DACH1: variants seen among roughly 807,000 people sequenced by gnomAD.
The protein encoded by DACH1 is dachshund family transcription factor 1.
In DACH1, 12 loss-of-function variants were observed where a neutral mutation model predicts 54.2. That is an observed-to-expected ratio of 0.22 (90% CI 0.14 to 0.36). The LOEUF (loss-of-function observed/expected upper bound fraction) is 0.36, where lower values mean the gene tolerates loss of function less well. DACH1 is among the 10% of genes least tolerant of loss of function. DACH1 has a pLI of 1.00. For synonymous variants in DACH1, 386 were observed against 366.2 expected (o/e 1.05, Z -0.62); for missense variants, 805 against 929.8 (o/e 0.87, Z 1.75).
At chr13:71,807,133 T>C (rs1245157221) in intron 1 of DACH1, among the ~76,000 whole-genome samples, 1 of 152,138 alleles carries the variant, frequency 6.6e-6, no homozygotes, top group Non-Finnish European at 1.5e-5. Flanking sequence ...CAGAACAGAA[T>C]GAACAAGTTA....
chr13:71,675,118 A>T, intron 2 of DACH1: 1 of 1,581,282 alleles, frequency 6.3e-7, no homozygotes, highest in Non-Finnish European at 8.7e-7. Flanking sequence ...AGCACCCAGG[A>T]AGTAACTGGC....
Position 71,725,027 on chromosome 13 carries a change from C to T in DACH1, c.849-43117G>A, listed in dbSNP as rs191192167. 2.4e-4 allele frequency among the ~76,000 whole-genome samples: 36 copies of T among 151,792 alleles called. 2 individuals carry two copies. Among genetic ancestry groups the T allele is most frequent in the African/African-American group, 7.5e-4 (31 of 41,424 alleles). On this transcript the variant is annotated intron_variant, in intron 1 of 10. Coordinates refer to ENST00000613252, the MANE Select transcript of DACH1 (RefSeq NM_080759.6). ...ATGTGATATTACAATTGGCAAAAAA[C>T]GGACTTTACATGTGGATTATAGCAT... is the stretch of plus-strand genomic sequence containing the variant.
At chr13:71,816,086 A>G in intron 1 of DACH1, among the ~76,000 whole-genome samples, 1 of 150,194 alleles carries the variant, frequency 6.7e-6, no homozygotes, top group Non-Finnish European at 1.5e-5. Context: ...CTCCGTCTCC[A>G]AAAAAAAATA....
intron 1 of DACH1, among the ~76,000 whole-genome samples, chr13:71,854,969 A>C (rs989368475): frequency 1.3e-5 from 2 of 152,086 alleles, no homozygotes; most frequent in African/African-American, 4.8e-5. Flanking sequence ...ATTGTCACTT[A>C]GCAGCCAACA....
intron 3 of DACH1, among the ~76,000 whole-genome samples, chr13:71,613,906 T>G (rs1278763639): frequency 6.6e-6 from 1 of 152,092 alleles, no homozygotes; most frequent in Non-Finnish European, 1.5e-5. Flanking sequence ...GAGATGGGAT[T>G]TCACCATGTT....
intron 10 of DACH1, among the ~76,000 whole-genome samples, chr13:71,460,266 C>T (rs149482230): frequency 1.2e-3 from 185 of 152,094 alleles, no homozygotes; most frequent in African/African-American, 4.0e-3. Context: ...CTAGAAAATT[C>T]GCCACATCTT....
intron 6 of DACH1, among the ~76,000 whole-genome samples, chr13:71,498,139 T>G (rs915218532): frequency 6.6e-6 from 1 of 152,210 alleles, no homozygotes; most frequent in Non-Finnish European, 1.5e-5. Context: ...TTGCCTAATT[T>G]AATGCATATG....
At chr13:71,654,955 A>G (rs1261670756) in intron 2 of DACH1, among the ~76,000 whole-genome samples, 2 of 152,192 alleles carry the variant, frequency 1.3e-5, no homozygotes, top group African/African-American at 4.8e-5. Flanking sequence ...TGCATGTTGT[A>G]CAGACTTATG....
intron 2 of DACH1, among the ~76,000 whole-genome samples, chr13:71,672,148 T>A (rs1339969035): frequency 6.6e-6 from 1 of 152,170 alleles, no homozygotes. Context: ...TCCATTTATC[T>A]GGACTTTATA....
At chr13:71,809,892 C>T (rs981437471) in intron 1 of DACH1, among the ~76,000 whole-genome samples, 11 of 151,972 alleles carry the variant, frequency 7.2e-5, no homozygotes, top group East Asian at 3.9e-4. Context: ...TGTTAATTCC[C>T]GAAAGTTCAG....
chr13:71,645,727 C>T (rs1219049838), intron 2 of DACH1, among the ~76,000 whole-genome samples: 1 of 151,506 alleles, frequency 6.6e-6, no homozygotes, highest in Non-Finnish European at 1.5e-5. Flanking sequence ...GCTGAAAGAA[C>T]GTGCTCATGC....
At chr13:71,738,912 T>C (rs961899178) in intron 1 of DACH1, among the ~76,000 whole-genome samples, 1 of 151,846 alleles carries the variant, frequency 6.6e-6, no homozygotes, top group Non-Finnish European at 1.5e-5. Flanking sequence ...TACAAGAAGT[T>C]GTAGTCTACA....
At chr13:71,480,859 T>C (rs1412795015) in intron 7 of DACH1, among the ~76,000 whole-genome samples, 3 of 152,214 alleles carry the variant, frequency 2.0e-5, no homozygotes, top group African/African-American at 7.2e-5. Flanking sequence ...AATTATTCCA[T>C]ATTTGCTATA....
intron 2 of DACH1, among the ~76,000 whole-genome samples, chr13:71,641,867 C>T (rs954859992): frequency 6.6e-6 from 1 of 152,078 alleles, no homozygotes; most frequent in African/African-American, 2.4e-5. Flanking sequence ...GAATTTATTT[C>T]TTTTATAAGG....
At position 71,866,892 on chromosome 13, in the gene DACH1, A is replaced by C; in HGVS notation, c.-123T>G. The C allele has an allele frequency of 1.4e-6, 1 of 710,284 alleles. No homozygotes were observed. The highest frequency in any genetic ancestry group is 1.9e-6 in the Non-Finnish European group (1 of 513,530). The allele number at this position is 710,284 out of a possible 1,614,324, so 44.0% of individuals were successfully genotyped here. ...AGGGGGGCAACAACAACTCCGGGAGAGAACGAGAAGGAGAAAGGGAGAGAA... is the reference window on the plus strand; with the variant it reads ...AGGGGGGCAACAACAACTCCGGGAGCGAACGAGAAGGAGAAAGGGAGAGAA... On this transcript the variant is annotated 5_prime_UTR_variant, in exon 1 of 11. Transcript: ENST00000613252.
intron 6 of DACH1, among the ~76,000 whole-genome samples, chr13:71,499,848 C>A (rs1048329323): frequency 2.0e-5 from 3 of 152,088 alleles, no homozygotes; most frequent in African/African-American, 7.2e-5. Context: ...AAAAGAAAAT[C>A]TGATGGTTCA....
At chr13:71,501,564 G>A (rs1000750229) in intron 6 of DACH1, among the ~76,000 whole-genome samples, 1 of 152,158 alleles carries the variant, frequency 6.6e-6, no homozygotes, top group African/African-American at 2.4e-5. Flanking sequence ...GGAAGTATGA[G>A]ACAAGATTTG....
chr13:71,715,149 T>C (rs1413680870), intron 1 of DACH1, among the ~76,000 whole-genome samples: 2 of 152,078 alleles, frequency 1.3e-5, no homozygotes, highest in African/African-American at 4.8e-5. Flanking sequence ...TCCATGTATC[T>C]CCGACTTCAA....
rs940279539 is a variant in DACH1 at position 71,573,433 on chromosome 13, G to A, written c.1127-421C>T. 5.6e-6 allele frequency: 4 copies of A among 716,608 alleles called. No individual in the cohort carries two copies. The African/African-American group carries it at 7.0e-5, about 13-fold the overall frequency. The allele number at this position is 716,608 out of a possible 1,614,324, so 44.4% of individuals were successfully genotyped here. On this transcript the variant is annotated intron_variant, in intron 3 of 10. Transcript: ENST00000613252. ...GCCATCGTACCATTTGGCAGAAGGT[G>A]GCTCTGCTGAAGATGGTTGAGAGGA...
Sources: allele counts gnomAD v4.1 joint callset (sites outside exome capture counted in the v4.1 genomes callset), GRCh38; gene constraint gnomAD v4.1.1; transcripts MANE v1.5; gene names NCBI Gene and HGNC (gene_info 2026-07-23, HGNC 2026-07-21).